Variants in NARS1 observed in about 807,000 individuals in gnomAD.
The protein encoded by NARS1 is asparagine--tRNA ligase, cytoplasmic.
Under a neutral mutation model 79.2 loss-of-function variants are expected in NARS1, and 65 were observed. The observed-to-expected ratio is 0.82, with a 90% CI of 0.67 to 1.01. NARS1 has a LOEUF of 1.01. Among genes scored for constraint, NARS1 ranks in the 50% least tolerant of loss-of-function variants. The pLI is 0.00. For synonymous variants in NARS1, 229 were observed against 238.8 expected, an observed-to-expected ratio of 0.96 and a Z score of 0.38; for missense variants, 649 against 673.8, an observed-to-expected ratio of 0.96 and a Z score of 0.41.
intron 10 of NARS1, 59 bp downstream of exon 10, chr18:57,606,557 A>C: frequency 2.6e-6 from 4 of 1,539,176 alleles, no homozygotes; most frequent in Non-Finnish European, 3.5e-6. Context: ...GAGGGTGAAG[A>C]CTTCATTGTC....
intron 1 of NARS1, among the ~76,000 whole-genome samples, chr18:57,620,903 T>C (rs549107582): frequency 1.2e-4 from 18 of 152,340 alleles, no homozygotes; most frequent in Admixed American, 6.5e-4. Flanking sequence ...TTCTATCTAA[T>C]TGGGCACCCA....
At chr18:57,614,125 A>C (rs1051968809) in intron 4 of NARS1, among the ~76,000 whole-genome samples, 3 of 152,198 alleles carry the variant, frequency 2.0e-5, no homozygotes, top group Non-Finnish European at 4.4e-5. Flanking sequence ...AGATGAGTAG[A>C]GGAAGGGGCT....
intron 11 of NARS1, among the ~76,000 whole-genome samples, chr18:57,605,581 T>C (rs2051546956): frequency 7.5e-6 from 1 of 132,876 alleles, no homozygotes; most frequent in Admixed American, 8.7e-5. Flanking sequence ...GCCACTGCAC[T>C]CCGTAGGCGA....
At chr18:57,606,556 G>C (rs1361481203) in intron 10 of NARS1, 60 bp downstream of exon 10, 1 of 1,533,740 alleles carries the variant, frequency 6.5e-7, no homozygotes, top group African/African-American at 1.4e-5. Flanking sequence ...TGAGGGTGAA[G>C]ACTTCATTGT....
chr18:57,608,663 A>T (rs1292011777), intron 7 of NARS1, among the ~76,000 whole-genome samples: 1 of 152,188 alleles, frequency 6.6e-6, no homozygotes, highest in African/African-American at 2.4e-5. Context: ...CAATGTACAT[A>T]TTTCACTGGA....
At position 57,602,986 on chromosome 18, in the gene NARS1, GCAA is replaced by G. The variant is rs370570339; in HGVS notation, c.1252-46_1252-44del. 5.6e-6 allele frequency: 9 copies of G among 1,608,138 alleles called. No individual in the cohort carries two copies. The African/African-American group carries it at 6.7e-5, about 12-fold the overall frequency. ...TTCATTAACATTTACAACTTGGATCGCAACAAGACAGAAGCAGCTCCTTCACCC... is the reference window on the plus strand; with the variant it reads ...TTCATTAACATTTACAACTTGGATCGCAAGACAGAAGCAGCTCCTTCACCC... On this transcript the variant is annotated intron_variant, in intron 11 of 13. Coordinates refer to ENST00000256854, the MANE Select transcript of NARS1 (RefSeq NM_004539.4).
At chr18:57,605,177 T>G (rs973453410) in intron 11 of NARS1, among the ~76,000 whole-genome samples, 7 of 150,046 alleles carry the variant, frequency 4.7e-5, no homozygotes, top group Non-Finnish European at 7.4e-5. Flanking sequence ...ATTTTGCATG[T>G]GATTTCAAAG....
Position 57,606,618 on chromosome 18 carries a change from G to T in NARS1, c.1135C>A (p.Pro379Thr). The T allele has an allele frequency of 6.2e-7, 1 of 1,613,338 alleles. No individual in the cohort carries two copies. The highest frequency in any genetic ancestry group is 8.5e-7 in the Non-Finnish European group (1 of 1,179,564). ...PAGSIVHELNPNFQPPKRPFK... is the reference protein window; with the variant it reads ...PAGSIVHELNTNFQPPKRPFK... ...CTTTCCATAAACACTGCACCTACCG[G>T]GTTGAGCTCATGCACTATGCTCCCT... The change falls in exon 10 of 14, where the codon CCG becomes ACG. Residue 379 changes from proline to threonine, a missense_variant and splice_region_variant. Coordinates refer to ENST00000256854, the MANE Select transcript of NARS1 (RefSeq NM_004539.4).
At position 57,615,827 on chromosome 18, in the gene NARS1, T is replaced by G; in HGVS notation, c.242A>C (p.Glu81Ala). ...AAGGTCAGGACTCACCTCTTTCTTTTCCCGGGATTCACTCTTCATTTGTTC... is the reference window on the plus strand; with the variant it reads ...AAGGTCAGGACTCACCTCTTTCTTTGCCCGGGATTCACTCTTCATTTGTTC... Reference protein sequence around the residue: ...HREQMKSESREKKEAEDSLRR... With the variant: ...HREQMKSESRAKKEAEDSLRR... Residue 81 changes from glutamate (E) to alanine (A), a missense_variant, in exon 3 of 14, where the codon GAA becomes GCA. Physicochemically the swap from Glu to Ala is moderately radical, Grantham distance 107. Coordinates refer to ENST00000256854, the MANE Select transcript of NARS1 (RefSeq NM_004539.4). 2.5e-6 allele frequency: 4 copies of G among 1,611,996 alleles called. No individual in the cohort carries two copies. The highest frequency in any genetic ancestry group is 3.4e-6 in the Non-Finnish European group (4 of 1,179,392).
At chr18:57,605,718 G>C in intron 11 of NARS1, 139 bp downstream of exon 11, 2 of 623,896 alleles carry the variant, frequency 3.2e-6, no homozygotes, top group Non-Finnish European at 5.7e-6. Context: ...GAATCTGCAG[G>C]CAACCCAAGA....
At position 57,615,852 on chromosome 18, in the gene NARS1, C is replaced by A; in HGVS notation, c.217G>T (p.Glu73Ter). 6.2e-7 allele frequency: 1 copy of A among 1,613,366 alleles called. No individual in the cohort carries two copies. Among genetic ancestry groups the A allele is most frequent in the Non-Finnish European group, 8.5e-7 (1 of 1,179,778 alleles). ...LKNIKKMWHR[E>*]QMKSESREKK... ...TCCCGGGATTCACTCTTCATTTGTT[C>A]CCTATGCCACATCTTTTTAATGTTC... The change falls in exon 3 of 14, where the codon GAA becomes TAA. Residue 73 changes from glutamate to a stop codon, truncating the protein, a stop_gained. Transcript: ENST00000256854. LOFTEE classifies it high-confidence loss of function.
intron 11 of NARS1, among the ~76,000 whole-genome samples, chr18:57,605,583 C>T (rs1016633356): frequency 1.4e-5 from 2 of 143,280 alleles, no homozygotes; most frequent in African/African-American, 5.4e-5. Context: ...CACTGCACTC[C>T]GTAGGCGACA....
At chr18:57,603,032 C>A (rs540910235) in intron 11 of NARS1, 89 bp from the exon 12 acceptor site, 1 of 1,318,288 alleles carries the variant, frequency 7.6e-7, no homozygotes, top group Admixed American at 1.9e-5. Flanking sequence ...GTCCTTCCTC[C>A]TATCAATTCA....
At chr18:57,609,630 T>C (rs2051589254) in intron 6 of NARS1, among the ~76,000 whole-genome samples, 187 bp from the exon 7 acceptor site, 1 of 152,254 alleles carries the variant, frequency 6.6e-6, no homozygotes. Flanking sequence ...TTTATCTATA[T>C]ATAGACATAT....
In NARS1 at chr18:57,606,666, C is replaced by T; in HGVS notation, c.1087G>A (p.Asp363Asn). The T allele has an allele frequency of 6.2e-7, 1 of 1,614,112 alleles. No individual in the cohort carries two copies. The change falls in exon 10 of 14, where the codon GAT becomes AAT. Residue 363 changes from aspartate to asparagine, a missense_variant. Physicochemically the swap from Asp to Asn is conservative, Grantham distance 23. Transcript: ENST00000256854. ...RLEDLVCDVV[D>N]RILKSPAGSI... The stretch of plus-strand genomic sequence containing the variant: ...CCTGCAGGTGACTTCAATATTCGAT[C>T]TACCACATCACAAACCAAGTCCTCC...
At chr18:57,604,806 T>C (rs1180829200) in intron 11 of NARS1, among the ~76,000 whole-genome samples, 1 of 152,100 alleles carries the variant, frequency 6.6e-6, no homozygotes, top group Non-Finnish European at 1.5e-5. Flanking sequence ...GGAGGAACAC[T>C]TGAACTCTGG....
At chr18:57,612,725 C>T (rs1368398618) in intron 5 of NARS1, among the ~76,000 whole-genome samples, 4 of 152,186 alleles carry the variant, frequency 2.6e-5, no homozygotes, top group Non-Finnish European at 5.9e-5. Flanking sequence ...CGTGAGCCAC[C>T]GCACCTGGCC....
rs138601747 is a variant in NARS1, at chr18:57,601,681, G to A, written c.1618C>T (p.Pro540Ser). ...GGCGTGCAACGCTGGACAAATCGAG[G>A]GTATAAGCACACGTCTCGGATGTGA... ...RYHIRDVCLY[P>S]RFVQRCTP is the part of the protein sequence containing the mutation. The change falls in exon 14 of 14, where the codon CCT (proline) becomes TCT (serine). Residue 540 changes from proline to serine, a missense_variant. Coordinates refer to ENST00000256854, the MANE Select transcript of NARS1 (RefSeq NM_004539.4). 1 of 1,613,912 alleles carries A rather than the reference G, an allele frequency of 6.2e-7. No homozygotes were observed. Among genetic ancestry groups the A allele is most frequent in the Non-Finnish European group, 8.5e-7 (1 of 1,179,888 alleles).
rs1242844150 is a variant in NARS1 at position 57,606,811 on chromosome 18, A to T, written c.1002-60T>A. ...CTCCTGCACTGGTTTTTTATCCAGC[A>T]AGGCTTTTAACATTGGGAAGCTGTC... On this transcript the variant is annotated intron_variant, in intron 9 of 13. Coordinates refer to ENST00000256854, the MANE Select transcript of NARS1 (RefSeq NM_004539.4). 4 of 1,599,904 alleles carry T rather than the reference A, an allele frequency of 2.5e-6. No individual in the cohort carries two copies. In the Admixed American group the frequency reaches 6.8e-5, roughly 27 times the overall value.
Sources: gnomAD v4.1 joint callset for allele counts (sites outside exome capture counted in the v4.1 genomes callset) on GRCh38, gnomAD v4.1.1 for gene constraint, MANE v1.5 for transcripts, NCBI Gene and HGNC (gene_info 2026-07-23, HGNC 2026-07-21) for gene names.